SDK1: variants seen among roughly 807,000 people sequenced by gnomAD.
SDK1 encodes sidekick cell adhesion molecule 1.
Under a neutral mutation model 245.5 loss-of-function variants are expected in SDK1, and 157 were observed. That is an observed-to-expected ratio of 0.64 (90% CI 0.56 to 0.73). SDK1 has a LOEUF of 0.73. SDK1 is among the 30% of genes least tolerant of loss of function. The pLI is 0.00. For synonymous variants in SDK1, 1,647 were observed against 1,278.5 expected, an observed-to-expected ratio of 1.29 and a Z score of -6.15; for missense variants, 3,583 against 3,002.3, an observed-to-expected ratio of 1.19 and a Z score of -4.52.
chr7:3,551,686 C>T lies in SDK1; in HGVS notation c.299-67394C>T, dbSNP rs150867751. Among the ~76,000 whole-genome samples the T allele has an allele frequency of 5.6e-3, 853 of 152,006 alleles. 4 individuals carry two copies. Among genetic ancestry groups the T allele is most frequent in the South Asian group, 0.018 (87 of 4,812 alleles). On this transcript the variant is annotated intron_variant, in intron 1 of 44. Coordinates refer to ENST00000404826, the MANE Select transcript of SDK1 (RefSeq NM_152744.4). ...ATACAGCAGAAAACTTGTAAAGTTACTTATTTACAGACAGGCTCTCAGTGT... is the reference window on the plus strand; with the variant it reads ...ATACAGCAGAAAACTTGTAAAGTTATTTATTTACAGACAGGCTCTCAGTGT...
At chr7:3,808,946 T>G (rs537469173) in intron 4 of SDK1, among the ~76,000 whole-genome samples, 1 of 152,218 alleles carries the variant, frequency 6.6e-6, no homozygotes, top group Admixed American at 6.5e-5. Flanking sequence ...TCCCTGTAGT[T>G]AGGGGAGCCT....
At chr7:4,265,098 C>T in intron 44 of SDK1, 26 bp from the exon 45 acceptor site, 1 of 1,604,170 alleles carries the variant, frequency 6.2e-7, no homozygotes, top group Non-Finnish European at 8.5e-7. Flanking sequence ...GCCCTGCACT[C>T]ACACCTTCTC....
At chr7:3,921,476 C>T (rs767674491) in intron 5 of SDK1, among the ~76,000 whole-genome samples, 2 of 152,150 alleles carry the variant, frequency 1.3e-5, no homozygotes, top group Non-Finnish European at 2.9e-5. Context: ...ACAATAAATT[C>T]CCAGAAGTGG....
intron 4 of SDK1, among the ~76,000 whole-genome samples, chr7:3,812,291 C>T (rs187116670): frequency 1.1e-4 from 16 of 152,170 alleles, no homozygotes; most frequent in African/African-American, 3.9e-4. Context: ...ATTAATTTAA[C>T]ACACATTTAT....
At chr7:3,604,890 C>T (rs911837234) in intron 1 of SDK1, among the ~76,000 whole-genome samples, 5 of 151,992 alleles carry the variant, frequency 3.3e-5, no homozygotes, top group Admixed American at 2.0e-4. Context: ...GCATGAGCCA[C>T]GGTGTCCAGC....
At chr7:3,734,199 T>C (rs920530421) in intron 4 of SDK1, among the ~76,000 whole-genome samples, 2 of 152,232 alleles carry the variant, frequency 1.3e-5, no homozygotes, top group Admixed American at 1.3e-4. Context: ...ACCATAGTTG[T>C]TCTTACATTT....
chr7:3,479,927 A>G (rs1276325146), intron 1 of SDK1, among the ~76,000 whole-genome samples: 4 of 151,492 alleles, frequency 2.6e-5, no homozygotes, highest in African/African-American at 7.3e-5. Context: ...AGTTCTTTCA[A>G]TTTTTTCTTT....
Position 4,172,637 on chromosome 7 carries a change from G to A in SDK1, c.4801-1585G>A, listed in dbSNP as rs1247040594. Among the ~76,000 whole-genome samples the A allele has an allele frequency of 2.6e-5, 4 of 152,278 alleles. No individual in the cohort carries two copies. In the East Asian group the frequency reaches 7.7e-4, roughly 29 times the overall value. ...TACTACGCATTAGGTGGTTGGAAAG[G>A]GCAGAGCCTTATTCTCTCACAGCTC... On this transcript the variant is annotated intron_variant, in intron 32 of 44. Coordinates refer to ENST00000404826, the MANE Select transcript of SDK1 (RefSeq NM_152744.4).
At chr7:3,481,598 C>A (rs953415876) in intron 1 of SDK1, among the ~76,000 whole-genome samples, 2 of 152,308 alleles carry the variant, frequency 1.3e-5, no homozygotes, top group Middle Eastern at 3.4e-3. Flanking sequence ...ACCACCCTTC[C>A]TTCCCACATA....
At chr7:3,406,978 C>G (rs1480093823) in intron 1 of SDK1, among the ~76,000 whole-genome samples, 1 of 126,128 alleles carries the variant, frequency 7.9e-6, no homozygotes. Flanking sequence ...ATTGAATAAA[C>G]TAGAGTGGAT....
chr7:3,325,668 AATT>A (rs781181421), intron 1 of SDK1, among the ~76,000 whole-genome samples: 3 of 152,168 alleles, frequency 2.0e-5, no homozygotes, highest in Non-Finnish European at 4.4e-5. Context: ...TCCTGTGTAA[AATT>A]ATTAATATTG....
intron 1 of SDK1, among the ~76,000 whole-genome samples, chr7:3,417,977 A>G (rs549415703): frequency 1.3e-5 from 2 of 152,152 alleles, no homozygotes; most frequent in South Asian, 4.2e-4. Flanking sequence ...TGGAACCCTT[A>G]CAAGTGATTT....
At chr7:3,905,496 A>G (rs1369497745) in intron 5 of SDK1, among the ~76,000 whole-genome samples, 1 of 152,086 alleles carries the variant, frequency 6.6e-6, no homozygotes, top group East Asian at 1.9e-4. Flanking sequence ...ATTGTGGATA[A>G]TCTTTCCCTA....
At chr7:3,969,659 G>C (rs1247256535) in intron 11 of SDK1, among the ~76,000 whole-genome samples, 1 of 152,220 alleles carries the variant, frequency 6.6e-6, no homozygotes, top group Non-Finnish European at 1.5e-5. Flanking sequence ...AGAGACGAAA[G>C]ATTGACTTTG....
chr7:3,891,019 C>G (rs1035827363), intron 5 of SDK1, among the ~76,000 whole-genome samples: 3 of 152,202 alleles, frequency 2.0e-5, no homozygotes, highest in Non-Finnish European at 4.4e-5. Context: ...TAGCTGGGCT[C>G]TATGTGTTTT....
Position 3,951,047 on chromosome 7 carries a change from T to A in SDK1, c.959+13T>A. On this transcript the variant is annotated intron_variant, in intron 6 of 44. Transcript: ENST00000404826. ...TAGCCAGTGCCAGGTACGAGGCGCG[T>A]CTCCTGTGAGACTCCTAGTAAATAT... 1.3e-6 allele frequency: 2 copies of A among 1,568,312 alleles called. No homozygotes were observed. The highest frequency in any genetic ancestry group is 1.8e-6 in the Non-Finnish European group (2 of 1,138,258).
chr7:3,612,986 T>C (rs998153105), intron 1 of SDK1, among the ~76,000 whole-genome samples: 10 of 152,278 alleles, frequency 6.6e-5, no homozygotes, highest in African/African-American at 2.2e-4. Context: ...ATTATCTCTT[T>C]AAAATGCAGG....
intron 1 of SDK1, among the ~76,000 whole-genome samples, chr7:3,612,127 AT>A (rs1221949953): frequency 6.6e-6 from 1 of 152,160 alleles, no homozygotes; most frequent in Non-Finnish European, 1.5e-5. Flanking sequence ...ACGACTACAC[AT>A]TGGGTACAGT....
intron 4 of SDK1, among the ~76,000 whole-genome samples, chr7:3,649,078 G>T (rs373752790): frequency 5.3e-5 from 8 of 152,148 alleles, no homozygotes; most frequent in African/African-American, 1.9e-4. Context: ...GCCAGGGACA[G>T]AAAGGGGAAT....
Sources: gnomAD v4.1 joint callset for allele counts (sites outside exome capture counted in the v4.1 genomes callset) on GRCh38, gnomAD v4.1.1 for gene constraint, MANE v1.5 for transcripts, NCBI Gene and HGNC (gene_info 2026-07-23, HGNC 2026-07-21) for gene names.